FBXW10: variants seen among roughly 807,000 people sequenced by gnomAD.
FBXW10 encodes the protein F-box and WD repeat domain containing 10.
FBXW10 carries 68 observed loss-of-function variants against 113.1 expected under a neutral mutation model. The ratio of observed to expected loss-of-function variants is 0.60; its 90% confidence interval spans 0.49 to 0.74. The LOEUF is 0.74. Among genes scored for constraint, FBXW10 ranks in the 30% least tolerant of loss-of-function variants. FBXW10 has a pLI of 0.00. For missense variants in FBXW10, 753 were observed against 1,284.5 expected (o/e 0.59, Z 6.32); for synonymous variants, 289 against 481.6 (o/e 0.60, Z 5.24).
At chr17:18,747,011 G>A (rs1427948960) in intron 1 of FBXW10, among the ~76,000 whole-genome samples, 2 of 147,216 alleles carry the variant, frequency 1.4e-5, no homozygotes, top group African/African-American at 2.5e-5. Context: ...TGCAAGCTCC[G>A]CCTCCCGGGT....
chr17:18,774,381 C>T (rs905154347), intron 12 of FBXW10, among the ~76,000 whole-genome samples: 5 of 152,262 alleles, frequency 3.3e-5, no homozygotes, highest in African/African-American at 9.6e-5. Context: ...TTTTCACAGA[C>T]TCCAGGTAAC....
intron 8 of FBXW10, 59 bp from the exon 9 acceptor site, chr17:18,766,655 C>G: frequency 6.3e-6 from 10 of 1,577,160 alleles, no homozygotes; most frequent in Non-Finnish European, 8.7e-6. Flanking sequence ...CCACTGTAAC[C>G]TTTCCTTTTC....
intron 5 of FBXW10, among the ~76,000 whole-genome samples, chr17:18,754,640 G>A (rs933273110): frequency 9.2e-5 from 14 of 151,438 alleles, no homozygotes; most frequent in Admixed American, 9.2e-4. Flanking sequence ...ATAGAATATG[G>A]CAGGGAATAT....
intron 13 of FBXW10, among the ~76,000 whole-genome samples, chr17:18,777,978 C>T (rs1443663248): frequency 6.6e-5 from 10 of 151,654 alleles, no homozygotes; most frequent in Admixed American, 2.0e-4. Context: ...TGGCCGGCTG[C>T]GGTGGCTCAT....
rs1441491771 is a variant in FBXW10, at chr17:18,765,327, T to C, written c.1555+464T>C. 3.3e-5 allele frequency among the ~76,000 whole-genome samples: 5 copies of C among 152,298 alleles called. No homozygotes were observed. In the East Asian group the frequency reaches 9.6e-4, roughly 29 times the overall value. ...AATTTTATAAATGGGCCAAGATATA[T>C]ACATAAAATATAAGTGAAGGAAAGC... On this transcript the variant is annotated intron_variant, in intron 8 of 13. Transcript: ENST00000395665.
intron 2 of FBXW10, among the ~76,000 whole-genome samples, chr17:18,748,754 C>T (rs1483604300): frequency 1.3e-5 from 2 of 152,308 alleles, no homozygotes; most frequent in East Asian, 3.9e-4. Context: ...CTCTGGGCCA[C>T]AATCCATTGT....
At chr17:18,776,552 T>C (rs1187211420) in intron 13 of FBXW10, among the ~76,000 whole-genome samples, 2 of 152,230 alleles carry the variant, frequency 1.3e-5, no homozygotes, top group South Asian at 2.1e-4. Context: ...TATGTCAGTG[T>C]ACCTGTACAG....
rs746288637 is a variant in FBXW10, at chr17:18,750,946, G to A, written c.1015G>A (p.Gly339Arg). 10 of 1,614,014 alleles carry A rather than the reference G, an allele frequency of 6.2e-6. No individual in the cohort carries two copies. Among genetic ancestry groups the A allele is most frequent in the East Asian group, 4.5e-5 (2 of 44,890 alleles). ...CTTTTTCCAGGGGTCCTACACAAGAGGAATTGATCCTAATTATGCCAATAA... is the reference window on the plus strand; with the variant it reads ...CTTTTTCCAGGGGTCCTACACAAGAAGAATTGATCCTAATTATGCCAATAA... ...ITFLQGSYTR[G>R]IDPNYANKVS... is the part of the protein sequence containing the mutation. Residue 339 changes from glycine to arginine, a missense_variant, in exon 5 of 14, where the codon GGA (glycine) becomes AGA (arginine). Coordinates refer to ENST00000395665, the MANE Select transcript of FBXW10 (RefSeq NM_001267585.2).
intron 1 of FBXW10, 142 bp from the exon 2 acceptor site, chr17:18,747,799 A>C (rs2035067507): frequency 1.5e-6 from 2 of 1,355,916 alleles, no homozygotes; most frequent in Non-Finnish European, 2.0e-6. Flanking sequence ...TGGAGGCCCC[A>C]AATAAAAACA....
At chr17:18,774,749 C>G (rs931269787) in intron 12 of FBXW10, among the ~76,000 whole-genome samples, 3 of 152,272 alleles carry the variant, frequency 2.0e-5, no homozygotes, top group Admixed American at 6.5e-5. Flanking sequence ...GAGCCGAGAT[C>G]GTGCCATTGC....
At chr17:18,769,714 T>A in intron 10 of FBXW10, 1 of 532,464 alleles carries the variant, frequency 1.9e-6, no homozygotes, top group South Asian at 2.7e-5. Context: ...TAGGTGGGGG[T>A]TGCAGTGAGC....
At chr17:18,757,978 A>T (rs991905416) in intron 6 of FBXW10, among the ~76,000 whole-genome samples, 2 of 152,216 alleles carry the variant, frequency 1.3e-5, no homozygotes, top group Non-Finnish European at 2.9e-5. Flanking sequence ...TCCAAGAAAA[A>T]AGGTTTCCGT....
At chr17:18,768,051 C>CTTCCTTCCTTCCTTCCTTCCT in intron 9 of FBXW10, among the ~76,000 whole-genome samples, 1 of 91,710 alleles carries the variant, frequency 1.1e-5, no homozygotes, top group Non-Finnish European at 2.3e-5. Context: ...TCCTTCCTTC[C>CTTCCTTCCTTCCTTCCTTCCT]TTCTTTCTTT....
intron 7 of FBXW10, among the ~76,000 whole-genome samples, chr17:18,763,112 C>T (rs1390791871): frequency 4.7e-5 from 7 of 150,056 alleles, no homozygotes; most frequent in East Asian, 1.9e-4. Context: ...ACATATTAAT[C>T]GTTTTTATGT....
intron 7 of FBXW10, among the ~76,000 whole-genome samples, chr17:18,761,043 A>G (rs2035371780): frequency 6.6e-6 from 1 of 152,134 alleles, no homozygotes; most frequent in East Asian, 1.9e-4. Context: ...CACAGCAACT[A>G]CTATATAACC....
In FBXW10 at chr17:18,756,073, A is replaced by G. The variant is rs763626510; in HGVS notation, c.1151A>G (p.Gln384Arg). The G allele has an allele frequency of 8.6e-5, 139 of 1,613,874 alleles. 2 individuals are homozygous for G. The South Asian group carries it at 1.5e-3, about 17-fold the overall frequency. Residue 384 changes from glutamine to arginine, a missense_variant, in exon 6 of 14, where the codon CAG (glutamine) becomes CGG (arginine). Gln to Arg is a conservative substitution (Grantham distance 43). Coordinates refer to ENST00000395665, the MANE Select transcript of FBXW10 (RefSeq NM_001267585.2). Reference protein sequence around the residue: ...KNEYNLWTAYQNEETQQVLIE... With the variant: ...KNEYNLWTAYRNEETQQVLIE... ...GAGTACAACCTGTGGACTGCATACCAGAACGAGGAAACGCAGCAGGTCCTG... is the reference window on the plus strand; with the variant it reads ...GAGTACAACCTGTGGACTGCATACCGGAACGAGGAAACGCAGCAGGTCCTG...
In FBXW10 at chr17:18,744,701, G is replaced by T; in HGVS notation, c.457G>T (p.Ala153Ser). Residue 153 changes from alanine to serine, a missense_variant, in exon 1 of 14, where the codon GCC becomes TCC. Physicochemically the swap from Ala to Ser is moderately conservative, Grantham distance 99. Coordinates refer to ENST00000395665, the MANE Select transcript of FBXW10 (RefSeq NM_001267585.2). Reference sequence around the variant, plus strand: ...CAACCCCAAATTACTGCTCACTGCTGCCAATGTGATCAGAGTCCTGTTTCT... The same window carrying T: ...CAACCCCAAATTACTGCTCACTGCTTCCAATGTGATCAGAGTCCTGTTTCT... ...MCNPKLLLTA[A>S]NVIRVLFLRE... is the part of the protein sequence containing the mutation. 1.9e-6 allele frequency: 3 copies of T among 1,613,902 alleles called. No homozygotes were observed. Among genetic ancestry groups the T allele is most frequent in the Non-Finnish European group, 2.5e-6 (3 of 1,179,850 alleles).
intron 7 of FBXW10, among the ~76,000 whole-genome samples, chr17:18,763,446 G>A (rs1468146135): frequency 1.3e-5 from 2 of 152,102 alleles, no homozygotes; most frequent in Admixed American, 6.5e-5. Flanking sequence ...GTGAGCCACC[G>A]TGCCCGGCTG....
chr17:18,772,515 G>C lies in FBXW10; in HGVS notation c.2110G>C (p.Glu704Gln). 1 of 1,614,088 alleles carries C rather than the reference G, an allele frequency of 6.2e-7. No homozygotes were observed. Among genetic ancestry groups the C allele is most frequent in the Non-Finnish European group, 8.5e-7 (1 of 1,179,922 alleles). ...KTKQKKNKEK[E>Q]EEKEENSLME... ...GAAACAAAAGAAGAATAAGGAGAAAGAGGAGGAAAAAGAAGAAAATAGTCT... is the reference window on the plus strand; with the variant it reads ...GAAACAAAAGAAGAATAAGGAGAAACAGGAGGAAAAAGAAGAAAATAGTCT... The change falls in exon 12 of 14, where the codon GAG (glutamate) becomes CAG (glutamine). Residue 704 changes from glutamate (E) to glutamine (Q), a missense_variant. Glu to Gln is a conservative substitution (Grantham distance 29). Transcript: ENST00000395665.
Sources: allele counts gnomAD v4.1 joint callset (sites outside exome capture counted in the v4.1 genomes callset), GRCh38; gene constraint gnomAD v4.1.1; transcripts MANE v1.5; gene names NCBI Gene and HGNC (gene_info 2026-07-23, HGNC 2026-07-21).